Variants in CDK5R1 observed in about 807,000 individuals in gnomAD.
CDK5R1 encodes cyclin-dependent kinase 5 activator 1.
CDK5R1 carries 1 observed loss-of-function variant against 19.0 expected under a neutral mutation model. The ratio of observed to expected loss-of-function variants is 0.05; its 90% CI spans 0.02 to 0.25. The LOEUF is 0.25. CDK5R1 is among the 10% of genes least tolerant of loss of function. The pLI is 1.00. For missense variants in CDK5R1, 314 were observed against 401.0 expected (o/e 0.78, Z 1.85); for synonymous variants, 225 against 187.7 (o/e 1.20, Z -1.62).
At position 32,488,194 on chromosome 17, in the gene CDK5R1, G is replaced by A; in HGVS notation, c.574G>A (p.Asp192Asn). The A allele has an allele frequency of 6.2e-7, 1 of 1,613,872 alleles. No homozygotes were observed. The highest frequency in any genetic ancestry group is 8.5e-7 in the Non-Finnish European group (1 of 1,180,036). The stretch of plus-strand genomic sequence containing the variant: ...CTCGCTGCTTCTGCAGGGCTGGCAG[G>A]ACCAGGGCTTCATCACGCCGGCCAA... ...DRSLLLQGWQDQGFITPANVV... is the reference protein window; with the variant it reads ...DRSLLLQGWQNQGFITPANVV... The change falls in exon 2 of 2, where the codon GAC (aspartate) becomes AAC (asparagine). Residue 192 changes from aspartate to asparagine, a missense_variant. Asp to Asn is a conservative substitution (Grantham distance 23). This residue lies in a region of CDK5R1 where 11 missense variants were observed against 38.8 expected (regional missense o/e 0.28). Transcript: ENST00000313401.
Position 32,487,092 on chromosome 17 carries a change from CCGGGACCGCGGCGG to C in CDK5R1, c.-211_-198del, listed in dbSNP as rs1908693356. ...GAGCGCCCCCGAGCGCCGCCGAGCGCCGGGACCGCGGCGGCGGGGCCGCGGCGCGCATTGCGGAG... is the reference window on the plus strand; with the variant it reads ...GAGCGCCCCCGAGCGCCGCCGAGCGCCGGGGCCGCGGCGCGCATTGCGGAG... On this transcript the variant is annotated 5_prime_UTR_variant, in exon 1 of 2. Coordinates refer to ENST00000313401, the MANE Select transcript of CDK5R1 (RefSeq NM_003885.3). This position sits in a 1 kb window ranked among gnomAD's most constrained non-coding sequence, Gnocchi z 7.9. 6.8e-6 allele frequency: 1 copy of C among 146,560 alleles called. No individual in the cohort carries two copies. The highest frequency in any genetic ancestry group is 2.5e-5 in the African/African-American group (1 of 40,808). 9.1% of individuals were successfully genotyped at this position (146,560 alleles called of 1,614,324 possible).
At position 32,489,127 on chromosome 17, in the gene CDK5R1, C is replaced by T; in HGVS notation, c.*583C>T. 2.1e-6 allele frequency: 1 copy of T among 471,040 alleles called. No homozygotes were observed. 29.2% of individuals were successfully genotyped at this position (471,040 alleles called of 1,614,324 possible). On this transcript the variant is annotated 3_prime_UTR_variant, in exon 2 of 2. Transcript: ENST00000313401. ...TTTGACCACACACCGCCCTGATTTG[C>T]TGTTTTCTTTTTTTAGGGAGAAGGG...
rs1451355063 is a variant in CDK5R1, at chr17:32,487,626, C to T, written c.6C>T (p.Gly2=). 1 of 1,612,364 alleles carries T rather than the reference C, an allele frequency of 6.2e-7. No homozygotes were observed. The highest frequency in any genetic ancestry group is 8.5e-7 in the Non-Finnish European group (1 of 1,179,710). Residue 2 remains glycine, a synonymous_variant, in exon 2 of 2, where the codon GGC becomes GGT. Transcript: ENST00000313401. The surrounding 1 kb of genome is among the most constrained non-coding windows in gnomAD (Gnocchi z 7.9). ...GCCCGGCGCGCAGCAGCACCATGGGCACGGTGCTGTCCCTGTCTCCCAGCT... is the reference window on the plus strand; with the variant it reads ...GCCCGGCGCGCAGCAGCACCATGGGTACGGTGCTGTCCCTGTCTCCCAGCT... M[G]TVLSLSPSYR... is the part of the protein sequence containing the mutation.
rs1385445597 is a variant in CDK5R1, at chr17:32,489,932, G to A, written c.*1388G>A. The A allele has an allele frequency of 6.0e-6, 1 of 167,068 alleles. No individual in the cohort carries two copies. Among genetic ancestry groups the A allele is most frequent in the Non-Finnish European group, 1.5e-5 (1 of 68,146 alleles). 10.3% of individuals were successfully genotyped at this position (167,068 alleles called of 1,614,324 possible). ...GGGAGTGCTGGAATGGGGACCTGGG[G>A]TGGGGAGGCAGAGGGTCACTTTACA... On this transcript the variant is annotated 3_prime_UTR_variant, in exon 2 of 2. Transcript: ENST00000313401.
At position 32,489,128 on chromosome 17, in the gene CDK5R1, T is replaced by G. The variant is rs1165569790; in HGVS notation, c.*584T>G. ...TTGACCACACACCGCCCTGATTTGCTGTTTTCTTTTTTTAGGGAGAAGGGC... is the reference window on the plus strand; with the variant it reads ...TTGACCACACACCGCCCTGATTTGCGGTTTTCTTTTTTTAGGGAGAAGGGC... On this transcript the variant is annotated 3_prime_UTR_variant, in exon 2 of 2. Transcript: ENST00000313401. 3 of 470,944 alleles carry G rather than the reference T, an allele frequency of 6.4e-6. No individual in the cohort carries two copies. Among genetic ancestry groups the G allele is most frequent in the Non-Finnish European group, 1.3e-5 (3 of 227,026 alleles). 29.2% of individuals were successfully genotyped at this position (470,944 alleles called of 1,614,324 possible).
rs1299998474 is a variant in CDK5R1 at position 32,490,497 on chromosome 17, G to A, written c.*1953G>A. The A allele has an allele frequency of 6.0e-6, 1 of 167,072 alleles. No individual in the cohort carries two copies. Among genetic ancestry groups the A allele is most frequent in the African/African-American group, 2.4e-5 (1 of 41,408 alleles). The allele number at this position is 167,072 out of a possible 1,614,324, so 10.3% of individuals were successfully genotyped here. ...TTCTTCGGAGGAGGTGGACATTTCGGAAGTGGTGGGGACTAAGGGAAGAAC... is the reference window on the plus strand; with the variant it reads ...TTCTTCGGAGGAGGTGGACATTTCGAAAGTGGTGGGGACTAAGGGAAGAAC... On this transcript the variant is annotated 3_prime_UTR_variant, in exon 2 of 2. Coordinates refer to ENST00000313401, the MANE Select transcript of CDK5R1 (RefSeq NM_003885.3).
In CDK5R1 at chr17:32,487,703, C is replaced by T. The variant is rs757568868; in HGVS notation, c.83C>T (p.Thr28Met). 9 of 1,613,804 alleles carry T rather than the reference C, an allele frequency of 5.6e-6. No homozygotes were observed. The highest frequency in any genetic ancestry group is 7.6e-6 in the Non-Finnish European group (9 of 1,179,874). Residue 28 changes from threonine to methionine, a missense_variant, in exon 2 of 2, where the codon ACG becomes ATG. This residue lies in a region of CDK5R1 where 197 missense variants were observed against 230.2 expected (regional missense o/e 0.86). Coordinates refer to ENST00000313401, the MANE Select transcript of CDK5R1 (RefSeq NM_003885.3). This position sits in a 1 kb window ranked among gnomAD's most constrained non-coding sequence, Gnocchi z 7.9. ...EDGAATVGHY[T>M]AVQNSKNAKD... ...GGCGCGGCCACCGTGGGCCACTATA[C>T]GGCCGTACAGAACAGCAAGAACGCC...
In CDK5R1 at chr17:32,487,937, C is replaced by T. The variant is rs1908734344; in HGVS notation, c.317C>T (p.Pro106Leu). 1 of 1,613,484 alleles carries T rather than the reference C, an allele frequency of 6.2e-7. No individual in the cohort carries two copies. The highest frequency in any genetic ancestry group is 1.1e-5 in the South Asian group (1 of 91,084). ...STFAQPPPAQ[P>L]PAPPASQLSG... Reference sequence around the variant, plus strand: ...TTCGCCCAGCCCCCACCGGCCCAGCCGCCTGCACCCCCGGCCAGCCAGCTC... The same window carrying T: ...TTCGCCCAGCCCCCACCGGCCCAGCTGCCTGCACCCCCGGCCAGCCAGCTC... Residue 106 changes from proline (P) to leucine (L), a missense_variant, in exon 2 of 2, where the codon CCG (proline) becomes CTG (leucine). This residue lies in a region of CDK5R1 where 197 missense variants were observed against 230.2 expected (regional missense o/e 0.86). Transcript: ENST00000313401. The surrounding 1 kb of genome is among the most constrained non-coding windows in gnomAD (Gnocchi z 7.9).
rs1482576935 is a variant in CDK5R1, at chr17:32,487,540, G to A, written c.-81G>A. ...CGCCTCCTCTCCGGGGCCGCCGCAGGCTCGGTGAGCGGTTTTATCCCTCCG... is the reference window on the plus strand; with the variant it reads ...CGCCTCCTCTCCGGGGCCGCCGCAGACTCGGTGAGCGGTTTTATCCCTCCG... On this transcript the variant is annotated 5_prime_UTR_variant, in exon 2 of 2. Transcript: ENST00000313401. This position sits in a 1 kb window ranked among gnomAD's most constrained non-coding sequence, Gnocchi z 7.9. 8.5e-7 allele frequency: 1 copy of A among 1,175,796 alleles called. No individual in the cohort carries two copies. The highest frequency in any genetic ancestry group is 1.2e-6 in the Non-Finnish European group (1 of 843,746). The allele number at this position is 1,175,796 out of a possible 1,614,324, so 72.8% of individuals were successfully genotyped here.
chr17:32,488,130 C>T lies in CDK5R1; in HGVS notation c.510C>T (p.Ser170=). The change falls in exon 2 of 2, where the codon TCC becomes TCT. Residue 170 remains serine (S), a synonymous_variant. Transcript: ENST00000313401. The part of the protein sequence containing the change: ...CRRCYRLKHL[S]PTDPVLWLRS... ...GGTGCTACCGCCTGAAGCACCTGTCCCCCACGGACCCCGTGCTCTGGCTGC... is the reference window on the plus strand; with the variant it reads ...GGTGCTACCGCCTGAAGCACCTGTCTCCCACGGACCCCGTGCTCTGGCTGC... 2 of 1,613,434 alleles carry T rather than the reference C, an allele frequency of 1.2e-6. No individual in the cohort carries two copies. The highest frequency in any genetic ancestry group is 1.7e-6 in the Non-Finnish European group (2 of 1,179,928).
rs751896042 is a variant in CDK5R1 at position 32,488,105 on chromosome 17, G to A, written c.485G>A (p.Arg162Gln). ...LRCLGEFLCR[R>Q]CYRLKHLSPT... is the part of the protein sequence containing the mutation. ...TGCCTGGGTGAGTTTCTCTGCCGCC[G>A]GTGCTACCGCCTGAAGCACCTGTCC... The change falls in exon 2 of 2, where the codon CGG becomes CAG. Residue 162 changes from arginine (R) to glutamine (Q), a missense_variant. Transcript: ENST00000313401. 2.5e-6 allele frequency: 4 copies of A among 1,612,904 alleles called. No individual in the cohort carries two copies.
At position 32,487,365 on chromosome 17, in the gene CDK5R1, G is replaced by C. The variant is rs1206063416; in HGVS notation, c.-145-111G>C. 2 of 182,254 alleles carry C rather than the reference G, an allele frequency of 1.1e-5. No individual in the cohort carries two copies. The highest frequency in any genetic ancestry group is 4.8e-5 in the African/African-American group (2 of 42,036). 11.3% of individuals were successfully genotyped at this position (182,254 alleles called of 1,614,324 possible). ...GGCTGCGTCGCGGGGGCGCGGGTAG[G>C]GCCCGGGACTGGGGCGGCGGGGTGC... On this transcript the variant is annotated intron_variant, in intron 1 of 1. Coordinates refer to ENST00000313401, the MANE Select transcript of CDK5R1 (RefSeq NM_003885.3). This position sits in a 1 kb window ranked among gnomAD's most constrained non-coding sequence, Gnocchi z 7.9.
rs905350116 is a variant in CDK5R1, at chr17:32,490,503, G to A, written c.*1959G>A. On this transcript the variant is annotated 3_prime_UTR_variant, in exon 2 of 2. Transcript: ENST00000313401. Reference sequence around the variant, plus strand: ...GGAGGAGGTGGACATTTCGGAAGTGGTGGGGACTAAGGGAAGAACTCTCTA... The same window carrying A: ...GGAGGAGGTGGACATTTCGGAAGTGATGGGGACTAAGGGAAGAACTCTCTA... 1 of 167,060 alleles carries A rather than the reference G, an allele frequency of 6.0e-6. No individual in the cohort carries two copies. Among genetic ancestry groups the A allele is most frequent in the Non-Finnish European group, 1.5e-5 (1 of 68,138 alleles). The allele number at this position is 167,060 out of a possible 1,614,324, so 10.3% of individuals were successfully genotyped here.
rs1427011090 is a variant in CDK5R1 at position 32,490,881 on chromosome 17, A to G, written c.*2337A>G. On this transcript the variant is annotated 3_prime_UTR_variant, in exon 2 of 2. Coordinates refer to ENST00000313401, the MANE Select transcript of CDK5R1 (RefSeq NM_003885.3). Reference sequence around the variant, plus strand: ...TCTTGTAAACCTGGAGGGTTGATATATTCTTTCCATGCAGTTATTAGAACT... The same window carrying G: ...TCTTGTAAACCTGGAGGGTTGATATGTTCTTTCCATGCAGTTATTAGAACT... 6.0e-6 allele frequency: 1 copy of G among 167,106 alleles called. No individual in the cohort carries two copies. The highest frequency in any genetic ancestry group is 1.9e-4 in the East Asian group (1 of 5,206). The allele number at this position is 167,106 out of a possible 1,614,324, so 10.4% of individuals were successfully genotyped here. A position where few individuals can be genotyped will look rare whatever the true frequency, so the allele number is the denominator to read the frequency against.
rs1163689273 is a variant in CDK5R1, at chr17:32,490,704, T to C, written c.*2160T>C. 1.2e-5 allele frequency: 2 copies of C among 167,104 alleles called. No homozygotes were observed. Among genetic ancestry groups the C allele is most frequent in the Non-Finnish European group, 2.9e-5 (2 of 68,122 alleles). The allele number at this position is 167,104 out of a possible 1,614,324, so 10.4% of individuals were successfully genotyped here. A position where few individuals can be genotyped will look rare whatever the true frequency, so the allele number is the denominator to read the frequency against. The stretch of plus-strand genomic sequence containing the variant: ...AACCTACAAAAAAACCTTTATTCTT[T>C]AATTGTTGCTTTTACGGTGATATTG... On this transcript the variant is annotated 3_prime_UTR_variant, in exon 2 of 2. Coordinates refer to ENST00000313401, the MANE Select transcript of CDK5R1 (RefSeq NM_003885.3).
Position 32,489,129 on chromosome 17 carries a change from GTTTTC to G in CDK5R1, c.*590_*594del, listed in dbSNP as rs1455378864. The stretch of plus-strand genomic sequence containing the variant: ...TGACCACACACCGCCCTGATTTGCT[GTTTTC>G]TTTTTTTAGGGAGAAGGGCTTTTCT... On this transcript the variant is annotated 3_prime_UTR_variant, in exon 2 of 2. Coordinates refer to ENST00000313401, the MANE Select transcript of CDK5R1 (RefSeq NM_003885.3). 4.2e-6 allele frequency: 2 copies of G among 470,946 alleles called. No homozygotes were observed. The highest frequency in any genetic ancestry group is 1.5e-5 in the South Asian group (1 of 64,576). The allele number at this position is 470,946 out of a possible 1,614,324, so 29.2% of individuals were successfully genotyped here. A position where few individuals can be genotyped will look rare whatever the true frequency, so the allele number is the denominator to read the frequency against.
chr17:32,488,081 G>C lies in CDK5R1; in HGVS notation c.461G>C (p.Cys154Ser), dbSNP rs200243693. The C allele has an allele frequency of 6.2e-6, 10 of 1,612,970 alleles. No individual in the cohort carries two copies. The East Asian group carries it at 2.0e-4, about 32-fold the overall frequency. Residue 154 changes from cysteine to serine, a missense_variant, in exon 2 of 2, where the codon TGC becomes TCC. Transcript: ENST00000313401. ...GCGTCCACCAGTGAGCTGCTTCGCT[G>C]CCTGGGTGAGTTTCTCTGCCGCCGG... ...VQASTSELLR[C>S]LGEFLCRRCY...
rs1199231338 is a variant in CDK5R1, at chr17:32,487,195, T to G, written c.-146+33T>G. On this transcript the variant is annotated intron_variant, in intron 1 of 1. Transcript: ENST00000313401. This position sits in a 1 kb window ranked among gnomAD's most constrained non-coding sequence, Gnocchi z 7.9. The stretch of plus-strand genomic sequence containing the variant: ...TGCGCTGGGCGGCCGTCCTTGGCCC[T>G]GGGGAGCGGAGACCGGGGTCGCGCC... The G allele has an allele frequency of 1.4e-5, 2 of 146,698 alleles. No homozygotes were observed. The highest frequency in any genetic ancestry group is 2.5e-5 in the African/African-American group (1 of 40,682). 9.1% of individuals were successfully genotyped at this position (146,698 alleles called of 1,614,324 possible). A position where few individuals can be genotyped will look rare whatever the true frequency, so the allele number is the denominator to read the frequency against.
In CDK5R1 at chr17:32,487,571, C is replaced by T. The variant is rs1908717756; in HGVS notation, c.-50C>T. ...TGAGCGGTTTTATCCCTCCGGCCGG[C>T]AGGCTGGGCGCGCAGGGGCGCGAGC... On this transcript the variant is annotated 5_prime_UTR_variant, in exon 2 of 2. Transcript: ENST00000313401. The surrounding 1 kb of genome is among the most constrained non-coding windows in gnomAD (Gnocchi z 7.9). 6 of 1,506,372 alleles carry T rather than the reference C, an allele frequency of 4.0e-6. No individual in the cohort carries two copies. The highest frequency in any genetic ancestry group is 2.3e-5 in the East Asian group (1 of 43,190). 93.3% of individuals were successfully genotyped at this position (1,506,372 alleles called of 1,614,324 possible). A position where few individuals can be genotyped will look rare whatever the true frequency, so the allele number is the denominator to read the frequency against.
Sources: gnomAD v4.1 joint callset for allele counts on GRCh38, gnomAD v4.1.1 for gene constraint, gnomAD v4.1.1 regional missense constraint, Gnocchi (gnomAD v3.1) non-coding constraint, MANE v1.5 for transcripts, NCBI Gene and HGNC (gene_info 2026-07-23, HGNC 2026-07-21) for gene names.